The following LGSN variants were observed in gnomAD, a reference collection of about 807,000 sequenced individuals.
LGSN encodes the protein lengsin, lens protein with glutamine synthetase domain, also known as lengsin.
In LGSN, 21 loss-of-function variants were observed where a neutral mutation model predicts 19.5. That is an observed-to-expected ratio of 1.07 (90% CI 0.76 to 1.55). LGSN has a LOEUF of 1.55. Among genes scored for constraint, LGSN ranks in the 40% most tolerant of loss-of-function variants. The pLI is 0.00. For missense variants in LGSN, 673 were observed against 608.5 expected (o/e 1.11, Z -1.12); for synonymous variants, 257 against 215.6 (o/e 1.19, Z -1.68).
the LGSN span, among the ~76,000 whole-genome samples, chr6:63,407,381 A>T: frequency 2.6e-5 from 4 of 152,210 alleles, no homozygotes; most frequent in African/African-American, 9.6e-5. Context: ...CAATATACGC[A>T]AATCAATAAA....
the LGSN span, among the ~76,000 whole-genome samples, chr6:63,390,650 A>T: frequency 1.3e-5 from 2 of 151,122 alleles, no homozygotes; most frequent in Admixed American, 6.6e-5. Context: ...AGGTCAGGAG[A>T]TCGAGACCAT....
At chr6:63,537,747 T>C in the LGSN span, among the ~76,000 whole-genome samples, 1 of 152,076 alleles carries the variant, frequency 6.6e-6, no homozygotes, top group East Asian at 1.9e-4. Flanking sequence ...CCTGAGGAAA[T>C]AGGGACCCTA....
chr6:63,463,719 T>G, the LGSN span, among the ~76,000 whole-genome samples: 1 of 152,194 alleles, frequency 6.6e-6, no homozygotes, highest in Admixed American at 6.5e-5. Context: ...TAGGCTTTGA[T>G]GTAGAGTCTT....
the LGSN span, among the ~76,000 whole-genome samples, chr6:63,325,735 T>C: frequency 6.6e-6 from 1 of 152,174 alleles, no homozygotes; most frequent in Admixed American, 6.5e-5. Context: ...TCGGAGTTTC[T>C]TCCTTCTGGT....
chr6:63,335,209 T>A, the LGSN span, among the ~76,000 whole-genome samples: 3 of 150,734 alleles, frequency 2.0e-5, no homozygotes. Context: ...CTGGGAAAAC[T>A]GGATGACTGT....
the LGSN span, among the ~76,000 whole-genome samples, chr6:63,328,380 T>G: frequency 6.6e-6 from 1 of 152,198 alleles, no homozygotes; most frequent in Non-Finnish European, 1.5e-5. Flanking sequence ...GCCACGCACA[T>G]GCATATTTCA....
chr6:63,384,944 C>A, the LGSN span, among the ~76,000 whole-genome samples: 9 of 152,162 alleles, frequency 5.9e-5, no homozygotes, highest in Non-Finnish European at 1.2e-4. Flanking sequence ...GATAAGCAAA[C>A]AGAGGAAAGA....
chr6:63,489,419 A>G, the LGSN span, among the ~76,000 whole-genome samples: 1 of 152,202 alleles, frequency 6.6e-6, no homozygotes, highest in Non-Finnish European at 1.5e-5. Context: ...CTCAGGCTGG[A>G]GTGCAGTGGC....
chr6:63,325,312 G>T, the LGSN span, among the ~76,000 whole-genome samples: 1 of 152,012 alleles, frequency 6.6e-6, no homozygotes, highest in East Asian at 1.9e-4. Context: ...CAAACACATT[G>T]GTTCTTTGAA....
chr6:63,432,169 GAAAAGGAAA>G, the LGSN span, among the ~76,000 whole-genome samples: 28 of 88,182 alleles, frequency 3.2e-4, no homozygotes, highest in Non-Finnish European at 4.9e-4. Flanking sequence ...AAGAAAGAAA[GAAAAGGAAA>G]GAAAGAAAAG....
chr6:63,421,140 G>C, the LGSN span, among the ~76,000 whole-genome samples: 3 of 152,278 alleles, frequency 2.0e-5, no homozygotes, highest in Middle Eastern at 0.01. Context: ...TATTCAGTCT[G>C]GCCAGGCACA....
At chr6:63,538,189 T>G in the LGSN span, among the ~76,000 whole-genome samples, 1 of 152,320 alleles carries the variant, frequency 6.6e-6, no homozygotes, top group South Asian at 2.1e-4. Context: ...TGTTTACCAG[T>G]AGGGAAATGA....
chr6:63,534,487 C>A, the LGSN span, among the ~76,000 whole-genome samples: 3 of 132,654 alleles, frequency 2.3e-5, no homozygotes, highest in Admixed American at 7.6e-5. Flanking sequence ...ACACACACAC[C>A]TCTAAAACTG....
the LGSN span, among the ~76,000 whole-genome samples, chr6:63,444,123 T>C: frequency 1.3e-5 from 2 of 152,282 alleles, no homozygotes; most frequent in African/African-American, 4.8e-5. Context: ...TGATGATGCC[T>C]CTCGAGTCTT....
intron 1 of LGSN, among the ~76,000 whole-genome samples, chr6:63,312,189 C>T (rs1768658339): frequency 6.6e-6 from 1 of 152,150 alleles, no homozygotes; most frequent in Admixed American, 6.6e-5. Context: ...TTTTCTTTAT[C>T]CATTCATCTA....
chr6:63,432,165 GAAAGAAAA>G, the LGSN span, among the ~76,000 whole-genome samples: 1,331 of 84,632 alleles, frequency 0.016, 78 homozygotes, highest in African/African-American at 0.039. Flanking sequence ...AAGAAAGAAA[GAAAGAAAA>G]GGAAAGAAAG....
At chr6:63,535,991 T>C in the LGSN span, among the ~76,000 whole-genome samples, 1 of 150,332 alleles carries the variant, frequency 6.7e-6, no homozygotes, top group African/African-American at 2.4e-5. Context: ...CAGGGTGGCC[T>C]GGAACTCGTG....
the LGSN span, among the ~76,000 whole-genome samples, chr6:63,483,524 C>T: frequency 1.3e-5 from 2 of 152,032 alleles, no homozygotes; most frequent in African/African-American, 4.8e-5. Context: ...CACCACCACG[C>T]CCGGCTAATT....
At chr6:63,484,322 G>A in the LGSN span, among the ~76,000 whole-genome samples, 1 of 152,148 alleles carries the variant, frequency 6.6e-6, no homozygotes, top group South Asian at 2.1e-4. Context: ...GAACAACATG[G>A]CAAAACCTGT....
Sources: allele counts gnomAD v4.1 joint callset (sites outside exome capture counted in the v4.1 genomes callset), GRCh38; gene constraint gnomAD v4.1.1; transcripts MANE v1.5; gene names NCBI Gene and HGNC (gene_info 2026-07-23, HGNC 2026-07-21).